The following RAI14 variants were observed in gnomAD, a reference collection of about 807,000 sequenced individuals.
RAI14 encodes the protein retinoic acid induced 14.
In RAI14, 45 loss-of-function variants were observed where a neutral mutation model predicts 115.4. That is an observed-to-expected ratio of 0.39 (90% CI 0.31 to 0.50). The LOEUF (loss-of-function observed/expected upper bound fraction) is 0.50. Among genes scored for constraint, RAI14 ranks in the 20% least tolerant of loss-of-function variants. The pLI, the probability that RAI14 is intolerant of heterozygous loss-of-function variation, is 0.85. For synonymous variants in RAI14, 371 were observed against 415.4 expected (o/e 0.89, Z 1.30); for missense variants, 939 against 1,131.2 (o/e 0.83, Z 2.44).
Position 34,795,949 on chromosome 5 carries a change from G to A in RAI14, c.178G>A (p.Ala60Thr). 1.2e-6 allele frequency: 2 copies of A among 1,612,884 alleles called. No homozygotes were observed. Among genetic ancestry groups the A allele is most frequent in the African/African-American group, 1.3e-5 (1 of 74,994 alleles). Reference sequence around the variant, plus strand: ...TACTTCTCTTTCCAGTTTCCATCTTGCTGCTGCAAAAGGACACGTGGAATG... The same window carrying A: ...TACTTCTCTTTCCAGTTTCCATCTTACTGCTGCAAAAGGACACGTGGAATG... ...DSEGKTAFHL[A>T]AAKGHVECLR... Residue 60 changes from alanine (A) to threonine (T), a missense_variant, in exon 4 of 18, where the codon GCT (alanine) becomes ACT (threonine). Transcript: ENST00000265109.
chr5:34,726,846 G>A (rs996282835), intron 2 of RAI14, among the ~76,000 whole-genome samples: 8 of 152,162 alleles, frequency 5.3e-5, no homozygotes, highest in Non-Finnish European at 1.2e-4. Flanking sequence ...GCGTAACTGT[G>A]AATTCATTAA....
intron 2 of RAI14, among the ~76,000 whole-genome samples, chr5:34,709,122 C>T (rs1280682846): frequency 7.3e-6 from 1 of 137,568 alleles, no homozygotes; most frequent in African/African-American, 2.7e-5. Flanking sequence ...AAAGTGAGAC[C>T]CTATCTCAAA....
rs334921 is a variant in RAI14, at chr5:34,766,031, A to T, written c.167+8433A>T. ...CATGATGTTGAGCTTACAAGTATAC[A>T]AAAGTCAAGAACTGGGTTTGGGAAA... On this transcript the variant is annotated intron_variant, in intron 3 of 17. Transcript: ENST00000265109. Among the ~76,000 whole-genome samples the T allele has an allele frequency of 6.3e-3, 962 of 152,366 alleles. 6 individuals are homozygous for T. Among genetic ancestry groups the T allele is most frequent in the African/African-American group, 0.022 (929 of 41,584 alleles).
intron 2 of RAI14, among the ~76,000 whole-genome samples, chr5:34,692,550 A>G (rs1373624151): frequency 6.6e-6 from 1 of 152,054 alleles, no homozygotes; most frequent in Non-Finnish European, 1.5e-5. Context: ...TATAAAATAA[A>G]ATAAAATCCA....
Position 34,674,777 on chromosome 5 carries a change from C to T in RAI14, c.-48-12095C>T, listed in dbSNP as rs867177671. 8.6e-5 allele frequency among the ~76,000 whole-genome samples: 13 copies of T among 151,900 alleles called. No homozygotes were observed. The Middle Eastern group carries it at 0.014, about 159-fold the overall frequency. On this transcript the variant is annotated intron_variant, in intron 1 of 17. Transcript: ENST00000265109. ...TAATTTTTGTATTTTTTAGTGGAGA[C>T]GGGGTTTCGCCATGTTGACCAGGCT...
intron 4 of RAI14, among the ~76,000 whole-genome samples, chr5:34,800,151 T>C (rs1056283797): frequency 6.6e-6 from 1 of 152,188 alleles, no homozygotes; most frequent in African/African-American, 2.4e-5. Flanking sequence ...TGATACTACT[T>C]AATTCTTCCC....
chr5:34,787,458 AC>A (rs1398354106), intron 3 of RAI14, among the ~76,000 whole-genome samples: 1 of 152,224 alleles, frequency 6.6e-6, no homozygotes, highest in Non-Finnish European at 1.5e-5. Flanking sequence ...AACCTTGAAA[AC>A]ATGCTAAATG....
chr5:34,726,488 G>A lies in RAI14; in HGVS notation c.37-30980G>A, dbSNP rs141278811. Among the ~76,000 whole-genome samples the A allele has an allele frequency of 7.0e-3, 1,070 of 152,154 alleles. 20 individuals carry two copies. The highest frequency in any genetic ancestry group is 0.025 in the African/African-American group (1,020 of 41,492). On this transcript the variant is annotated intron_variant, in intron 2 of 17. Coordinates refer to ENST00000265109, the MANE Select transcript of RAI14 (RefSeq NM_015577.3). Reference sequence around the variant, plus strand: ...CACAAGAACAGCAAGGGGGAAATCCGCCCCCATGATCCAATGACCTCCCAC... The same window carrying A: ...CACAAGAACAGCAAGGGGGAAATCCACCCCCATGATCCAATGACCTCCCAC...
intron 1 of RAI14, among the ~76,000 whole-genome samples, chr5:34,667,670 A>G (rs1158003220): frequency 6.6e-6 from 1 of 152,198 alleles, no homozygotes; most frequent in African/African-American, 2.4e-5. Context: ...TTTTGAGGAA[A>G]GACTCCTAAG....
intron 2 of RAI14, among the ~76,000 whole-genome samples, chr5:34,754,635 A>G (rs982709085): frequency 1.9e-4 from 29 of 152,290 alleles, no homozygotes; most frequent in Middle Eastern, 6.8e-3. Flanking sequence ...TTGCTTGTGT[A>G]GCCATGTTCT....
chr5:34,705,327 A>G (rs1025568310), intron 2 of RAI14, among the ~76,000 whole-genome samples: 3 of 152,152 alleles, frequency 2.0e-5, no homozygotes, highest in Non-Finnish European at 2.9e-5. Flanking sequence ...AAATATCCCA[A>G]TAAGAGTTTT....
intron 2 of RAI14, among the ~76,000 whole-genome samples, chr5:34,753,494 G>A (rs1001676252): frequency 6.6e-6 from 1 of 152,080 alleles, no homozygotes; most frequent in Non-Finnish European, 1.5e-5. Context: ...AAATGGCACT[G>A]GAGCCAGGCA....
intron 3 of RAI14, among the ~76,000 whole-genome samples, chr5:34,793,491 C>T (rs1173884803): frequency 1.4e-5 from 2 of 143,998 alleles, no homozygotes; most frequent in Non-Finnish European, 3.1e-5. Context: ...GGGGTGCTAG[C>T]AGGAGGGTTT....
chr5:34,775,824 T>C (rs893476872), intron 3 of RAI14, among the ~76,000 whole-genome samples: 1 of 152,160 alleles, frequency 6.6e-6, no homozygotes, highest in African/African-American at 2.4e-5. Flanking sequence ...TTGGGGAGAA[T>C]GTAAATTAGT....
chr5:34,792,138 C>T (rs1275954074), intron 3 of RAI14, among the ~76,000 whole-genome samples: 1 of 152,186 alleles, frequency 6.6e-6, no homozygotes, highest in Non-Finnish European at 1.5e-5. Flanking sequence ...TGATGATACA[C>T]AGTGGAGCTC....
chr5:34,805,691 A>T (rs994531780), intron 5 of RAI14, among the ~76,000 whole-genome samples: 6 of 151,984 alleles, frequency 3.9e-5, no homozygotes, highest in African/African-American at 1.5e-4. Flanking sequence ...AAATACAAAA[A>T]TTAGCCGGGC....
chr5:34,792,647 G>T (rs1753068974), intron 3 of RAI14, among the ~76,000 whole-genome samples: 1 of 152,204 alleles, frequency 6.6e-6, no homozygotes, highest in Non-Finnish European at 1.5e-5. Flanking sequence ...TTTTCTTGCA[G>T]AAACACCTTG....
rs181726543 is a variant in RAI14 at position 34,773,282 on chromosome 5, T to G, written c.167+15684T>G. Reference sequence around the variant, plus strand: ...ACTCACAATGGATTCAAGACTTAAATGTAAGACCTGAAACTGTAAAACTAC... The same window carrying G: ...ACTCACAATGGATTCAAGACTTAAAGGTAAGACCTGAAACTGTAAAACTAC... On this transcript the variant is annotated intron_variant, in intron 3 of 17. Coordinates refer to ENST00000265109, the MANE Select transcript of RAI14 (RefSeq NM_015577.3). Among the ~76,000 whole-genome samples the G allele has an allele frequency of 6.6e-5, 10 of 152,226 alleles. No homozygotes were observed. In the East Asian group the frequency reaches 1.9e-3, roughly 29 times the overall value.
At chr5:34,658,274 C>G (rs2149835672) in intron 1 of RAI14, among the ~76,000 whole-genome samples, 1 of 152,220 alleles carries the variant, frequency 6.6e-6, no homozygotes, top group East Asian at 1.9e-4. Flanking sequence ...GTCCCGCCCA[C>G]CAGTAGTGAA....
Sources: gnomAD v4.1 joint callset for allele counts (sites outside exome capture counted in the v4.1 genomes callset) on GRCh38, gnomAD v4.1.1 for gene constraint, MANE v1.5 for transcripts, NCBI Gene and HGNC (gene_info 2026-07-23, HGNC 2026-07-21) for gene names.